Variants in STARD4 observed in about 807,000 individuals in gnomAD.
STARD4 encodes the protein StAR related lipid transfer domain containing 4, also known as stAR-related lipid transfer protein 4.
In STARD4, 33 loss-of-function variants were observed where a neutral mutation model predicts 24.9. The ratio of observed to expected loss-of-function variants is 1.32; its 90% CI spans 1.00 to 1.77. STARD4 has a LOEUF of 1.77. Ranked by LOEUF, STARD4 falls within the 40% of genes most tolerant of loss-of-function variation. STARD4 has a pLI of 0.00. For missense variants in STARD4, 238 were observed against 249.3 expected (o/e 0.95, Z 0.31); for synonymous variants, 88 against 77.4 (o/e 1.14, Z -0.72).
At chr5:111,510,262 T>G (rs62371308) in intron 1 of STARD4, among the ~76,000 whole-genome samples, 2 of 152,176 alleles carry the variant, frequency 1.3e-5, no homozygotes, top group African/African-American at 2.4e-5. Context: ...ATTAATATAT[T>G]CTAGAACCAA....
Position 111,499,809 on chromosome 5 carries a change from G to A in STARD4, c.*77C>T, listed in dbSNP as rs1756290101. ...TTTTCTACCGGCTATGCAGAAAAGT[G>A]GAATCAATGATTTTTACAGGCCATG... is the stretch of plus-strand genomic sequence containing the variant. On this transcript the variant is annotated 3_prime_UTR_variant, in exon 6 of 6. Transcript: ENST00000296632. 4 of 1,333,948 alleles carry A rather than the reference G, an allele frequency of 3.0e-6. No individual in the cohort carries two copies. Among genetic ancestry groups the A allele is most frequent in the East Asian group, 2.3e-5 (1 of 42,608 alleles). 82.6% of individuals were successfully genotyped at this position (1,333,948 alleles called of 1,614,324 possible).
chr5:111,507,290 G>T lies in STARD4; in HGVS notation c.105+39C>A. On this transcript the variant is annotated intron_variant, in intron 2 of 5. Coordinates refer to ENST00000296632, the MANE Select transcript of STARD4 (RefSeq NM_139164.3). The surrounding 1 kb of genome is among the most constrained non-coding windows in gnomAD (Gnocchi z 4.4). ...AAGTCATCAACCAATTCATTAGATA[G>T]AAGATATACCCCAAATATAAGTAAT... The T allele has an allele frequency of 6.5e-7, 1 of 1,528,550 alleles. No homozygotes were observed. The highest frequency in any genetic ancestry group is 9.0e-7 in the Non-Finnish European group (1 of 1,110,718). The allele number at this position is 1,528,550 out of a possible 1,614,324, so 94.7% of individuals were successfully genotyped here. A position where few individuals can be genotyped will look rare whatever the true frequency, so the allele number is the denominator to read the frequency against.
At chr5:111,503,396 C>T (rs570309138) in intron 3 of STARD4, among the ~76,000 whole-genome samples, 1 of 152,154 alleles carries the variant, frequency 6.6e-6, no homozygotes, top group South Asian at 2.1e-4. Flanking sequence ...TTTGGGAGGC[C>T]GAGGTGGGCG....
chr5:111,498,776 A>AT lies in STARD4; in HGVS notation c.*1109_*1110insA, dbSNP rs1346056113. On this transcript the variant is annotated 3_prime_UTR_variant, in exon 6 of 6. Transcript: ENST00000296632. ...TGCTGCTGCCACCTTTTGTTTTTTGAAATCTATCATCACCAGTGGCAAAAA... is the reference window on the plus strand; with the variant it reads ...TGCTGCTGCCACCTTTTGTTTTTTGATAATCTATCATCACCAGTGGCAAAAA... 1 of 152,126 alleles carries AT rather than the reference A, an allele frequency of 6.6e-6. No individual in the cohort carries two copies. 9.4% of individuals were successfully genotyped at this position (152,126 alleles called of 1,614,324 possible).
At position 111,496,344 on chromosome 5, in the gene STARD4, C is replaced by A. The variant is rs1406706169; in HGVS notation, c.*3542G>T. 1 of 152,030 alleles carries A rather than the reference C, an allele frequency of 6.6e-6. No individual in the cohort carries two copies. Among genetic ancestry groups the A allele is most frequent in the Admixed American group, 6.6e-5 (1 of 15,244 alleles). 9.4% of individuals were successfully genotyped at this position (152,030 alleles called of 1,614,324 possible). A position where few individuals can be genotyped will look rare whatever the true frequency, so the allele number is the denominator to read the frequency against. On this transcript the variant is annotated 3_prime_UTR_variant, in exon 6 of 6. Transcript: ENST00000296632. ...GTTTCTTCTACACTCAAGTCCCAAC[C>A]TTCTCTACTTCTAGAAGTTGAATAA...
At chr5:111,503,544 G>C (rs1439160324) in intron 3 of STARD4, among the ~76,000 whole-genome samples, 1 of 152,140 alleles carries the variant, frequency 6.6e-6, no homozygotes, top group Non-Finnish European at 1.5e-5. Context: ...CAGGAGAATA[G>C]CTTGAACCAG....
Position 111,507,423 on chromosome 5 carries a change from A to G in STARD4, c.11T>C (p.Leu4Pro). 1.2e-6 allele frequency: 2 copies of G among 1,613,464 alleles called. No individual in the cohort carries two copies. Among genetic ancestry groups the G allele is most frequent in the Non-Finnish European group, 1.7e-6 (2 of 1,179,684 alleles). Residue 4 changes from leucine to proline, a missense_variant, in exon 2 of 6, where the codon CTG becomes CCG. Leu to Pro is a moderately conservative substitution (Grantham distance 98). Coordinates refer to ENST00000296632, the MANE Select transcript of STARD4 (RefSeq NM_139164.3). The surrounding 1 kb of genome is among the most constrained non-coding windows in gnomAD (Gnocchi z 4.4). ...AGTTGCAAAAGAAGCAACATCAGAC[A>G]GGCCTTCCATTACTTCTCTCTGTTA... MEG[L>P]SDVASFATKL...
chr5:111,509,760 TCA>T (rs1226980865), intron 1 of STARD4, among the ~76,000 whole-genome samples: 1 of 152,164 alleles, frequency 6.6e-6, no homozygotes, highest in Non-Finnish European at 1.5e-5. Context: ...GCTACCATTC[TCA>T]CTTATGGAAG....
chr5:111,504,892 T>A (rs1200906552), intron 3 of STARD4: 1 of 415,620 alleles, frequency 2.4e-6, no homozygotes, highest in Non-Finnish European at 4.7e-6. Context: ...TCAATAAACG[T>A]TGGTTATCAT....
rs747785621 is a variant in STARD4 at position 111,501,995 on chromosome 5, C to T, written c.249G>A (p.Met83Ile). Residue 83 changes from methionine (M) to isoleucine (I), a missense_variant, in exon 4 of 6, where the codon ATG becomes ATA. Transcript: ENST00000296632. Reference sequence around the variant, plus strand: ...AGTTCTCCAGAATATCCAAAGAAGTCATCAAGCTGTCCCAATCCAAACGAC... The same window carrying T: ...AGTTCTCCAGAATATCCAAAGAAGTTATCAAGCTGTCCCAATCCAAACGAC... ...GPCRLDWDSL[M>I]TSLDILENFE... 16 of 1,613,984 alleles carry T rather than the reference C, an allele frequency of 9.9e-6. No individual in the cohort carries two copies. Among genetic ancestry groups the T allele is most frequent in the Middle Eastern group, 3.3e-4 (2 of 6,084 alleles).
Position 111,500,104 on chromosome 5 carries a change from T to C in STARD4, c.400A>G (p.Ile134Val). ...GYKEGLLSCG[I>V]SLDWDEKRPE... ...CTCTTTTCATCCCAGTCAAGACTTATTCCTATAAGGCAATTTTTAAAATAG... is the reference window on the plus strand; with the variant it reads ...CTCTTTTCATCCCAGTCAAGACTTACTCCTATAAGGCAATTTTTAAAATAG... Residue 134 changes from isoleucine to valine, a missense_variant and splice_region_variant, in exon 6 of 6, where the codon ATA (isoleucine) becomes GTA (valine). Coordinates refer to ENST00000296632, the MANE Select transcript of STARD4 (RefSeq NM_139164.3). The C allele has an allele frequency of 6.2e-7, 1 of 1,600,524 alleles. No individual in the cohort carries two copies. The highest frequency in any genetic ancestry group is 8.5e-7 in the Non-Finnish European group (1 of 1,170,342).
intron 1 of STARD4, among the ~76,000 whole-genome samples, chr5:111,510,207 C>G (rs1045051881): frequency 1.1e-4 from 17 of 152,124 alleles, no homozygotes; most frequent in African/African-American, 4.1e-4. Context: ...GCCATCAAAA[C>G]TGCTACCTCT....
chr5:111,511,717 G>T (rs1296162143), intron 1 of STARD4, among the ~76,000 whole-genome samples: 1 of 152,210 alleles, frequency 6.6e-6, no homozygotes, highest in Non-Finnish European at 1.5e-5. Context: ...GCTGATCACA[G>T]GCTGGAAAAG....
rs1236643256 is a variant in STARD4, at chr5:111,496,891, A to G, written c.*2995T>C. 1.3e-5 allele frequency: 2 copies of G among 152,052 alleles called. No individual in the cohort carries two copies. Among genetic ancestry groups the G allele is most frequent in the Non-Finnish European group, 2.9e-5 (2 of 67,922 alleles). The allele number at this position is 152,052 out of a possible 1,614,324, so 9.4% of individuals were successfully genotyped here. On this transcript the variant is annotated 3_prime_UTR_variant, in exon 6 of 6. Transcript: ENST00000296632. ...TTTACAAGCTCCCTAGTACTTTAGC[A>G]ATTTATCTTATAGATTAGTTAACTA...
At position 111,501,051 on chromosome 5, in the gene STARD4, A is replaced by C. The variant is rs1756408008; in HGVS notation, c.348T>G (p.Phe116Leu). 3.1e-6 allele frequency: 5 copies of C among 1,613,146 alleles called. No individual in the cohort carries two copies. The East Asian group carries it at 1.1e-4, about 36-fold the overall frequency. Residue 116 changes from phenylalanine (F) to leucine (L), a missense_variant, in exon 5 of 6, where the codon TTT becomes TTG. Coordinates refer to ENST00000296632, the MANE Select transcript of STARD4 (RefSeq NM_139164.3). Reference sequence around the variant, plus strand: ...AGCCCACAGTATAGGAGAAATCAACAAATTCTCTTGGGGAAATTATATTCC... The same window carrying C: ...AGCCCACAGTATAGGAGAAATCAACCAATTCTCTTGGGGAAATTATATTCC... Reference protein sequence around the residue: ...QLWNIISPREFVDFSYTVGYK... With the variant: ...QLWNIISPRELVDFSYTVGYK...
At chr5:111,501,789 C>A (rs949448158) in intron 4 of STARD4, among the ~76,000 whole-genome samples, 173 bp downstream of exon 4, 1 of 152,148 alleles carries the variant, frequency 6.6e-6, no homozygotes, top group African/African-American at 2.4e-5. Context: ...TGAGGAAACA[C>A]AAACTTTTTA....
At chr5:111,509,793 T>G (rs536562228) in intron 1 of STARD4, among the ~76,000 whole-genome samples, 1 of 152,164 alleles carries the variant, frequency 6.6e-6, no homozygotes, top group Non-Finnish European at 1.5e-5. Context: ...ATCTAAAGTA[T>G]GCCCATTTAC....
In STARD4 at chr5:111,499,963, T is replaced by A. The variant is rs907545909; in HGVS notation, c.541A>T (p.Ile181Phe). Reference sequence around the variant, plus strand: ...GCTGTATCTACCGCAGACTGAGGAATCATCCCACGCAGATCTGTCTGAATA... The same window carrying A: ...GCTGTATCTACCGCAGACTGAGGAAACATCCCACGCAGATCTGTCTGAATA... The part of the protein sequence containing the change: ...GYIQTDLRGM[I>F]PQSAVDTAMA... The change falls in exon 6 of 6, where the codon ATT becomes TTT. Residue 181 changes from isoleucine to phenylalanine, a missense_variant. Ile to Phe is a conservative substitution (Grantham distance 21). Transcript: ENST00000296632. 6.2e-7 allele frequency: 1 copy of A among 1,614,062 alleles called. No individual in the cohort carries two copies. Among genetic ancestry groups the A allele is most frequent in the African/African-American group, 1.3e-5 (1 of 74,926 alleles).
At chr5:111,503,205 G>A (rs547096082) in intron 3 of STARD4, among the ~76,000 whole-genome samples, 2 of 152,220 alleles carry the variant, frequency 1.3e-5, no homozygotes, top group Admixed American at 6.5e-5. Context: ...ACTTATCAGT[G>A]GGGAAAAATG....
Sources: gnomAD v4.1 joint callset for allele counts (sites outside exome capture counted in the v4.1 genomes callset) on GRCh38, gnomAD v4.1.1 for gene constraint, Gnocchi (gnomAD v3.1) non-coding constraint, MANE v1.5 for transcripts, NCBI Gene and HGNC (gene_info 2026-07-23, HGNC 2026-07-21) for gene names.